Variants in MAPK6 observed in about 807,000 individuals in gnomAD.
The protein encoded by MAPK6 is ERK-3.
Under a neutral mutation model 59.3 loss-of-function variants are expected in MAPK6, and 19 were observed. That is an observed-to-expected ratio of 0.32 (90% CI 0.22 to 0.47). MAPK6 has a LOEUF of 0.47. MAPK6 is among the 20% of genes least tolerant of loss of function. The pLI, the probability that MAPK6 is intolerant of heterozygous loss-of-function variation, is 1.00. For missense variants in MAPK6, 724 were observed against 847.9 expected (o/e 0.85, Z 1.81); for synonymous variants, 316 against 290.3 (o/e 1.09, Z -0.90).
At chr15:52,044,848 G>A (rs943882360) in intron 1 of MAPK6, among the ~76,000 whole-genome samples, 3 of 151,088 alleles carry the variant, frequency 2.0e-5, no homozygotes, top group Non-Finnish European at 2.9e-5. Flanking sequence ...ACATTAAAAC[G>A]CAGATAAATG....
At chr15:51,991,523 T>C (rs2141817118) in intron 2 of MAPK6, among the ~76,000 whole-genome samples, 1 of 152,342 alleles carries the variant, frequency 6.6e-6, no homozygotes, top group South Asian at 2.1e-4. Context: ...CAAATGTATT[T>C]AGAGCCTCTA....
chr15:52,045,005 T>C (rs535970133), intron 1 of MAPK6, among the ~76,000 whole-genome samples: 35 of 151,644 alleles, frequency 2.3e-4, no homozygotes, highest in Non-Finnish European at 4.1e-4. Flanking sequence ...TAACTACTTA[T>C]CTGTTCTCCT....
chr15:52,043,278 C>T (rs2031483381), intron 1 of MAPK6, among the ~76,000 whole-genome samples: 1 of 152,048 alleles, frequency 6.6e-6, no homozygotes, highest in Admixed American at 6.6e-5. Flanking sequence ...TTTACCAATA[C>T]AAAAATTATT....
At chr15:52,037,715 C>G (rs1275861586) in intron 1 of MAPK6, among the ~76,000 whole-genome samples, 1 of 152,154 alleles carries the variant, frequency 6.6e-6, no homozygotes, top group Non-Finnish European at 1.5e-5. Flanking sequence ...AATACCATAT[C>G]TGGGAATCTT....
chr15:51,995,805 A>G (rs981372055), intron 2 of MAPK6, among the ~76,000 whole-genome samples: 1 of 152,130 alleles, frequency 6.6e-6, no homozygotes, highest in Non-Finnish European at 1.5e-5. Flanking sequence ...GCGCATGCCT[A>G]TAGTCCCAGC....
chr15:52,055,144 A>G lies in MAPK6; in HGVS notation c.701-3489A>G, dbSNP rs376079788. Among the ~76,000 whole-genome samples, 31 of 152,350 alleles carry G rather than the reference A, an allele frequency of 2.0e-4. 1 individual carries two copies. In the East Asian group the frequency reaches 4.8e-3, roughly 24 times the overall value. On this transcript the variant is annotated intron_variant, in intron 3 of 5. Coordinates refer to ENST00000261845, the MANE Select transcript of MAPK6 (RefSeq NM_002748.4). ...AAAAACAAGCCAGGTGTGGTGGCTA[A>G]TACATGTAATCCCAGCACTTTTGGA...
At chr15:51,978,977 G>A (rs971008373) in intron 1 of MAPK6, among the ~76,000 whole-genome samples, 20 of 151,414 alleles carry the variant, frequency 1.3e-4, no homozygotes, top group African/African-American at 4.8e-4. Context: ...CAGGAATAGT[G>A]GCTCACCCCT....
At chr15:52,061,230 A>G in intron 4 of MAPK6, 69 bp from the exon 5 acceptor site, 1 of 1,153,750 alleles carries the variant, frequency 8.7e-7, no homozygotes, top group Non-Finnish European at 1.3e-6. Context: ...AATAAATGAG[A>G]TCAACATTTA....
intron 5 of MAPK6, among the ~76,000 whole-genome samples, chr15:52,061,982 C>T (rs1016869646): frequency 6.6e-6 from 1 of 151,502 alleles, no homozygotes; most frequent in Non-Finnish European, 1.5e-5. Flanking sequence ...TGACAAGACT[C>T]AGTCATATCC....
chr15:52,036,283 C>T (rs1342836405), intron 1 of MAPK6, among the ~76,000 whole-genome samples: 8 of 152,170 alleles, frequency 5.3e-5, no homozygotes. Flanking sequence ...CTGGAGTAGA[C>T]CCCAGATCTT....
In MAPK6 at chr15:52,047,078, C is replaced by T. The variant is rs182134495; in HGVS notation, c.555+63C>T. 9 of 1,170,840 alleles carry T rather than the reference C, an allele frequency of 7.7e-6. No homozygotes were observed. The Admixed American group carries it at 1.9e-4, about 25-fold the overall frequency. The allele number at this position is 1,170,840 out of a possible 1,614,324, so 72.5% of individuals were successfully genotyped here. A position where few individuals can be genotyped will look rare whatever the true frequency, so the allele number is the denominator to read the frequency against. On this transcript the variant is annotated intron_variant, in intron 2 of 5. Transcript: ENST00000261845. ...TGATACACCTAATCAGGAATAGGTA[C>T]TTATATTTTCTTTGTATATTGTGGC... is the stretch of plus-strand genomic sequence containing the variant.
intron 3 of MAPK6, among the ~76,000 whole-genome samples, chr15:52,053,602 GGTTGATTGATTGATTGATTGA>G (rs2031859553): frequency 4.8e-4 from 1 of 2,100 alleles, no homozygotes; most frequent in African/African-American, 1.2e-3. Context: ...TTGATTGATT[GGTTGATTGATTGATTGATTGA>G]TTGGTTGATT....
intron 1 of MAPK6, among the ~76,000 whole-genome samples, chr15:51,980,324 C>T (rs1221744176): frequency 6.6e-6 from 1 of 150,598 alleles, no homozygotes; most frequent in Non-Finnish European, 1.5e-5. Context: ...AATGTGGATA[C>T]CAAAATGTCA....
At chr15:51,998,670 G>A (rs1017700501) in intron 2 of MAPK6, among the ~76,000 whole-genome samples, 7 of 105,848 alleles carry the variant, frequency 6.6e-5, no homozygotes, top group African/African-American at 1.7e-4. Flanking sequence ...ACAGGCGTGC[G>A]CCACCATGCC....
In MAPK6 at chr15:52,066,022, G is replaced by A. The variant is rs528190698; in HGVS notation, c.*1022G>A. The A allele has an allele frequency of 2.0e-5, 3 of 152,522 alleles. No individual in the cohort carries two copies. Among genetic ancestry groups the A allele is most frequent in the African/African-American group, 7.2e-5 (3 of 41,400 alleles). The allele number at this position is 152,522 out of a possible 1,614,324, so 9.4% of individuals were successfully genotyped here. On this transcript the variant is annotated 3_prime_UTR_variant, in exon 6 of 6. Coordinates refer to ENST00000261845, the MANE Select transcript of MAPK6 (RefSeq NM_002748.4). ...GACTTGTGTGCATGGAAGTAATTAA[G>A]GTACATCATTATTGTAGTTTGAAAG...
intron 2 of MAPK6, among the ~76,000 whole-genome samples, chr15:52,001,068 C>G (rs2057240561): frequency 6.6e-6 from 1 of 152,088 alleles, no homozygotes; most frequent in South Asian, 2.1e-4. Context: ...GAGGTGGGGA[C>G]TGTAAGAGGT....
chr15:52,061,436 GA>G lies in MAPK6; in HGVS notation c.1005del (p.Asp336MetfsTer119). On this transcript the variant is annotated frameshift_variant, in exon 5 of 6. Coordinates refer to ENST00000261845, the MANE Select transcript of MAPK6 (RefSeq NM_002748.4). LOFTEE classifies it high-confidence loss of function. ...AATTTCAAGCCATCCTTTTCATATT[GA>G]AGATGAAGTTGATGATATTTTGCTT... ...EPISSHPFHI[E>X]DEVDDILLMD... is the part of the protein sequence containing the mutation. 1 of 1,613,840 alleles carries G rather than the reference GA, an allele frequency of 6.2e-7. No individual in the cohort carries two copies. Among genetic ancestry groups the G allele is most frequent in the Non-Finnish European group, 8.5e-7 (1 of 1,179,842 alleles).
chr15:52,027,208 G>A (rs2030825676), intron 1 of MAPK6, among the ~76,000 whole-genome samples: 1 of 150,456 alleles, frequency 6.6e-6, no homozygotes, highest in Non-Finnish European at 1.5e-5. Flanking sequence ...GAAAAAACTG[G>A]CCATGGTAGC....
At chr15:51,990,456 AAG>A (rs1226485397) in intron 2 of MAPK6, among the ~76,000 whole-genome samples, 1 of 152,262 alleles carries the variant, frequency 6.6e-6, no homozygotes, top group Admixed American at 6.5e-5. Context: ...TGTAGCGAAA[AAG>A]AGAAAATGTC....
Sources: allele counts gnomAD v4.1 joint callset (sites outside exome capture counted in the v4.1 genomes callset), GRCh38; gene constraint gnomAD v4.1.1; transcripts MANE v1.5; gene names NCBI Gene and HGNC (gene_info 2026-07-23, HGNC 2026-07-21).